The following HIPK2 variants were observed in gnomAD, a reference collection of about 807,000 sequenced individuals.
HIPK2 encodes homeodomain-interacting protein kinase 2.
In HIPK2, 27 loss-of-function variants were observed where a neutral mutation model predicts 113.7. The observed-to-expected ratio is 0.24, with a 90% CI of 0.17 to 0.33. The LOEUF is 0.33. Ranked by LOEUF, HIPK2 falls within the 10% of genes least tolerant of loss-of-function variation. The pLI, the probability that HIPK2 is intolerant of heterozygous loss-of-function variation, is 1.00. For synonymous variants in HIPK2, 631 were observed against 642.2 expected (o/e 0.98, Z 0.26); for missense variants, 1,257 against 1,588.0 (o/e 0.79, Z 3.54).
intron 9 of HIPK2, among the ~76,000 whole-genome samples, chr7:139,611,656 C>T (rs895818554): frequency 6.6e-6 from 1 of 152,112 alleles, no homozygotes; most frequent in African/African-American, 2.4e-5. Context: ...ATCCTTTTGC[C>T]TCAGCCTCCT....
intron 7 of HIPK2, among the ~76,000 whole-genome samples, chr7:139,618,932 T>A (rs966972181): frequency 1.3e-5 from 2 of 152,214 alleles, no homozygotes; most frequent in African/African-American, 4.8e-5. Flanking sequence ...AAAACCATGC[T>A]GATTTTTGTC....
intron 1 of HIPK2, among the ~76,000 whole-genome samples, chr7:139,731,838 A>C (rs1249488965): frequency 6.6e-6 from 1 of 152,168 alleles, no homozygotes; most frequent in Non-Finnish European, 1.5e-5. Context: ...TCCATGTTAC[A>C]ACTGTTTTGT....
chr7:139,598,048 T>A, intron 11 of HIPK2, among the ~76,000 whole-genome samples: 1 of 152,244 alleles, frequency 6.6e-6, no homozygotes, highest in Non-Finnish European at 1.5e-5. Context: ...TATACATTAT[T>A]TTATAATAAT....
chr7:139,654,871 G>C (rs1456541720), intron 2 of HIPK2, among the ~76,000 whole-genome samples: 1 of 152,208 alleles, frequency 6.6e-6, no homozygotes, highest in East Asian at 1.9e-4. Context: ...TAAATCAAGA[G>C]AAAAGCTATT....
In HIPK2 at chr7:139,603,673, A is replaced by G. The variant is rs536502508; in HGVS notation, c.2255+408T>C. On this transcript the variant is annotated intron_variant, in intron 10 of 14. Transcript: ENST00000406875. ...CCCCCGTCTCAAACATCTTCAGAAC[A>G]CTTTCTAGAATTGCTTAGGGCTTTG... Among the ~76,000 whole-genome samples the G allele has an allele frequency of 4.5e-4, 69 of 152,288 alleles. 1 individual carries two copies. The highest frequency in any genetic ancestry group is 1.3e-3 in the African/African-American group (56 of 41,572).
At chr7:139,628,827 G>T (rs1035654314) in intron 5 of HIPK2, 126 bp downstream of exon 5, 5 of 768,474 alleles carry the variant, frequency 6.5e-6, no homozygotes, top group Non-Finnish European at 1.1e-5. Context: ...AACTATTTAA[G>T]GTCAAGGTCA....
chr7:139,659,442 C>T (rs1351539961), intron 2 of HIPK2, among the ~76,000 whole-genome samples: 2 of 152,026 alleles, frequency 1.3e-5, no homozygotes, highest in Non-Finnish European at 2.9e-5. Context: ...CCCTGAGCCG[C>T]GGGGTCAGAT....
intron 1 of HIPK2, among the ~76,000 whole-genome samples, chr7:139,755,135 C>T (rs917036992): frequency 3.3e-5 from 5 of 152,180 alleles, no homozygotes; most frequent in African/African-American, 1.2e-4. Context: ...CACTGGCACA[C>T]ACCATCAGCC....
intron 1 of HIPK2, among the ~76,000 whole-genome samples, chr7:139,739,080 C>T (rs970171150): frequency 3.9e-5 from 6 of 152,168 alleles, no homozygotes; most frequent in South Asian, 2.1e-4. Context: ...AAGGACTTGG[C>T]TACAAAGGTA....
At position 139,716,352 on chromosome 7, in the gene HIPK2, T is replaced by A. The variant is rs755788299; in HGVS notation, c.683A>T (p.Lys228Met). 1 of 1,614,206 alleles carries A rather than the reference T, an allele frequency of 6.2e-7. No homozygotes were observed. The highest frequency in any genetic ancestry group is 2.2e-5 in the East Asian group (1 of 44,880). ...KRGTNEIVAI[K>M]ILKNHPSYAR... ...ATAGGATGGGTGGTTCTTCAGGATC[T>A]TGATGGCTACGATCTCATTGGTGCC... Residue 228 changes from lysine to methionine, a missense_variant, in exon 2 of 15, where the codon AAG becomes ATG. Transcript: ENST00000406875. This position sits in a 1 kb window ranked among gnomAD's most constrained non-coding sequence, Gnocchi z 9.3.
chr7:139,606,897 C>T (rs1431282553), intron 9 of HIPK2, among the ~76,000 whole-genome samples: 1 of 152,006 alleles, frequency 6.6e-6, no homozygotes, highest in African/African-American at 2.4e-5. Context: ...AAGCCTCTAA[C>T]CTGAAAGAGA....
chr7:139,655,883 G>A (rs1361446467), intron 2 of HIPK2, among the ~76,000 whole-genome samples: 2 of 152,080 alleles, frequency 1.3e-5, no homozygotes, highest in East Asian at 1.9e-4. Context: ...ATTTAACCAT[G>A]GATGAGGAGA....
At chr7:139,583,538 C>T (rs746849402) in intron 13 of HIPK2, 49 of 394,258 alleles carry the variant, frequency 1.2e-4, no homozygotes, top group Non-Finnish European at 1.9e-4. Context: ...AACCAGGAGG[C>T]TTTTATTTTC....
At position 139,716,125 on chromosome 7, in the gene HIPK2, C is replaced by A. The variant is rs1795227218; in HGVS notation, c.910G>T (p.Val304Phe). The A allele has an allele frequency of 1.9e-6, 3 of 1,613,932 alleles. No individual in the cohort carries two copies. The highest frequency in any genetic ancestry group is 2.7e-5 in the African/African-American group (2 of 74,918). ...AGGGCTGTGGCTACCTGCTGGAGAA[C>A]TGGGCGAATGTATTTGAGGGGCAAG... The part of the protein sequence containing the change: ...SPLPLKYIRP[V>F]LQQVATALMK... The change falls in exon 2 of 15, where the codon GTT becomes TTT. Residue 304 changes from valine to phenylalanine, a missense_variant. Val to Phe is a conservative substitution (Grantham distance 50, BLOSUM62 -1). This residue lies in a region of HIPK2 where 24 missense variants were observed against 18.1 expected (regional missense o/e 1.33). Coordinates refer to ENST00000406875, the MANE Select transcript of HIPK2 (RefSeq NM_022740.5). The surrounding 1 kb of genome is among the most constrained non-coding windows in gnomAD (Gnocchi z 9.3).
In HIPK2 at chr7:139,769,661, C is replaced by T. The variant is rs183162503; in HGVS notation, c.19+7944G>A. 1.2e-4 allele frequency among the ~76,000 whole-genome samples: 18 copies of T among 152,302 alleles called. No individual in the cohort carries two copies. In the East Asian group the frequency reaches 3.5e-3, roughly 29 times the overall value. On this transcript the variant is annotated intron_variant, in intron 1 of 14. Coordinates refer to ENST00000406875, the MANE Select transcript of HIPK2 (RefSeq NM_022740.5). ...CTGTTGTCTCTTTCTATAGGAATAC[C>T]TCATTTATCCGACATCCTTGGAAAG...
rs527688220 is a variant in HIPK2, at chr7:139,600,485, G to A, written c.2367C>T (p.His789=). The A allele has an allele frequency of 8.7e-6, 14 of 1,613,998 alleles. No individual in the cohort carries two copies. Among genetic ancestry groups the A allele is most frequent in the Middle Eastern group, 1.7e-4 (1 of 6,042 alleles). Residue 789 remains histidine, a synonymous_variant, in exon 11 of 15, where the codon CAC becomes CAT. Transcript: ENST00000406875. ...TGCTGGTTGGCTGCTGCCGCATCAC[G>A]TGGGCCACACCCACATTTAAGGGCT... ...AAQPLNVGVA[H]VMRQQPTSTT...
intron 2 of HIPK2, among the ~76,000 whole-genome samples, chr7:139,643,390 A>T (rs973614527): frequency 4.0e-5 from 6 of 151,702 alleles, no homozygotes; most frequent in African/African-American, 1.5e-4. Flanking sequence ...ATACACACAC[A>T]CACACACACA....
intron 7 of HIPK2, among the ~76,000 whole-genome samples, chr7:139,617,238 T>A (rs890587503): frequency 1.3e-5 from 2 of 151,930 alleles, no homozygotes; most frequent in African/African-American, 4.8e-5. Flanking sequence ...AAAAACAAGT[T>A]AAAAAAAATC....
chr7:139,632,851 G>A (rs998150315), intron 2 of HIPK2, among the ~76,000 whole-genome samples: 3 of 152,098 alleles, frequency 2.0e-5, no homozygotes, highest in African/African-American at 2.4e-5. Context: ...GCTGAGGCAG[G>A]TGGACTGCTT....
Sources: allele counts gnomAD v4.1 joint callset (sites outside exome capture counted in the v4.1 genomes callset), GRCh38; gene constraint gnomAD v4.1.1; regional missense constraint gnomAD v4.1.1; non-coding constraint Gnocchi (gnomAD v3.1); transcripts MANE v1.5; gene names NCBI Gene and HGNC (gene_info 2026-07-23, HGNC 2026-07-21).